Variants in DNAJA2 observed in about 807,000 individuals in gnomAD.
The protein encoded by DNAJA2 is DnaJ heat shock protein family (Hsp40) member A2.
DNAJA2 carries 6 observed loss-of-function variants against 49.3 expected under a neutral mutation model. That is an observed-to-expected ratio of 0.12 (90% CI 0.07 to 0.24). The LOEUF is 0.24. DNAJA2 is among the 10% of genes least tolerant of loss of function. The pLI is 1.00. For synonymous variants in DNAJA2, 160 were observed against 172.7 expected (o/e 0.93, Z 0.58); for missense variants, 347 against 516.8 (o/e 0.67, Z 3.19).
intron 1 of DNAJA2, chr16:46,972,676 T>C (rs1427032204): frequency 6.6e-6 from 1 of 152,270 alleles, no homozygotes; most frequent in Non-Finnish European, 1.5e-5. Context: ...TTTTCTCGGC[T>C]TACAAATCTG....
At chr16:46,973,414 T>C in intron 1 of DNAJA2, 81 bp downstream of exon 1, 2 of 1,372,732 alleles carry the variant, frequency 1.5e-6, no homozygotes, top group Non-Finnish European at 1.9e-6. Flanking sequence ...GGCAGCCCAG[T>C]AGCGCGGCCT....
intron 8 of DNAJA2, among the ~76,000 whole-genome samples, chr16:46,957,784 G>A (rs1040921797): frequency 6.6e-6 from 1 of 152,040 alleles, no homozygotes; most frequent in Non-Finnish European, 1.5e-5. Context: ...GTTTCTACAG[G>A]AGACACACCT....
chr16:46,961,074 C>T (rs1370819958), intron 6 of DNAJA2, among the ~76,000 whole-genome samples: 1 of 152,002 alleles, frequency 6.6e-6, no homozygotes, highest in African/African-American at 2.4e-5. Flanking sequence ...GTTCTAAGAA[C>T]CATCTTACCA....
chr16:46,972,427 T>TA (rs1329847832), intron 1 of DNAJA2: 1 of 153,674 alleles, frequency 6.5e-6, no homozygotes, highest in Non-Finnish European at 1.4e-5. Context: ...CATGAAAAAG[T>TA]AAAGGTGGTC....
rs1567355353 is a variant in DNAJA2 at position 46,971,374 on chromosome 16, C to T, written c.337G>A (p.Gly113Arg). 1 of 1,613,568 alleles carries T rather than the reference C, an allele frequency of 6.2e-7. No homozygotes were observed. Among genetic ancestry groups the T allele is most frequent in the East Asian group, 2.2e-5 (1 of 44,888 alleles). ...TTGAGTGGATGCATCATGTCCTCTC[C>T]TCTTCTTCTGCCATTTCGACTTCTA... Reference protein sequence around the residue: ...QSRSRNGRRRGEDMMHPLKVS... With the variant: ...QSRSRNGRRRREDMMHPLKVS... The change falls in exon 3 of 9, where the codon GGA becomes AGA. Residue 113 changes from glycine to arginine, a missense_variant. Transcript: ENST00000317089.
chr16:46,969,677 AC>A (rs1962018644), intron 3 of DNAJA2, among the ~76,000 whole-genome samples: 2 of 152,210 alleles, frequency 1.3e-5, no homozygotes, highest in African/African-American at 4.8e-5. Flanking sequence ...ACATAAAGAT[AC>A]TCATAGCAGC....
chr16:46,971,660 C>CCAAAA, intron 2 of DNAJA2, 88 bp from the exon 3 acceptor site: 1 of 172,726 alleles, frequency 5.8e-6, no homozygotes, highest in South Asian at 7.9e-5. Flanking sequence ...CCATTTAATT[C>CCAAAA]TAAAAAAAAA....
In DNAJA2 at chr16:46,971,932, T is replaced by C. The variant is rs538465519; in HGVS notation, c.102A>G (p.Glu34=). 3.1e-6 allele frequency: 5 copies of C among 1,613,000 alleles called. No individual in the cohort carries two copies. The South Asian group carries it at 5.5e-5, about 18-fold the overall frequency. The change falls in exon 2 of 9, where the codon GAA becomes GAG. Residue 34 remains glutamate (E), a synonymous_variant. Transcript: ENST00000317089. ...LKKAYRKLAK[E]YHPDKNPNAG... ...CATTTGGATTCTTATCAGGATGATA[T>C]TCCTTGGCTAACTTTCTGTATGCCT...
At chr16:46,964,504 T>A (rs1357294804) in intron 6 of DNAJA2, 107 bp downstream of exon 6, 7 of 1,030,942 alleles carry the variant, frequency 6.8e-6, no homozygotes, top group Non-Finnish European at 8.3e-6. Context: ...ACTTCACCAG[T>A]GTTCAGTGTT....
At position 46,971,374 on chromosome 16, in the gene DNAJA2, CTCT is replaced by C. The variant is rs1011561600; in HGVS notation, c.334_336del (p.Arg112del). 6.8e-6 allele frequency: 11 copies of C among 1,613,568 alleles called. No individual in the cohort carries two copies. In the African/African-American group the frequency reaches 1.1e-4, roughly 16 times the overall value. On this transcript the variant is annotated inframe_deletion, in exon 3 of 9. Transcript: ENST00000317089. ...TTGAGTGGATGCATCATGTCCTCTC[CTCT>C]TCTTCTGCCATTTCGACTTCTACTC...
At chr16:46,969,770 T>C (rs1268640517) in intron 3 of DNAJA2, among the ~76,000 whole-genome samples, 1 of 152,234 alleles carries the variant, frequency 6.6e-6, no homozygotes, top group Admixed American at 6.5e-5. Context: ...ATAAACATAG[T>C]ATTTGTAATA....
chr16:46,971,751 C>T (rs1962053109), intron 2 of DNAJA2, 145 bp downstream of exon 2: 5 of 903,688 alleles, frequency 5.5e-6, no homozygotes, highest in Non-Finnish European at 7.0e-6. Context: ...TACTCTTATT[C>T]TAAAACTAAA....
chr16:46,959,809 C>T (rs1023970000), intron 6 of DNAJA2, among the ~76,000 whole-genome samples: 1 of 152,166 alleles, frequency 6.6e-6, no homozygotes, highest in African/African-American at 2.4e-5. Context: ...ATGATCGTAA[C>T]AGGGAAGGGG....
intron 6 of DNAJA2, 49 bp from the exon 7 acceptor site, chr16:46,959,468 T>C (rs1397111060): frequency 6.6e-7 from 1 of 1,518,456 alleles, no homozygotes; most frequent in African/African-American, 1.4e-5. Context: ...ATTATGGAGG[T>C]ACACCCTGCA....
chr16:46,956,385 T>G lies in DNAJA2; in HGVS notation c.*644A>C, dbSNP rs1354568268. On this transcript the variant is annotated 3_prime_UTR_variant, in exon 9 of 9. Transcript: ENST00000317089. ...CTAAAAATGTGACACAAAAGAATAA[T>G]TTACACCAACCGCTTTTTATTATCG... The G allele has an allele frequency of 1.3e-5, 2 of 148,454 alleles. No homozygotes were observed. The highest frequency in any genetic ancestry group is 5.0e-5 in the African/African-American group (2 of 40,354). 9.2% of individuals were successfully genotyped at this position (148,454 alleles called of 1,614,324 possible). A position where few individuals can be genotyped will look rare whatever the true frequency, so the allele number is the denominator to read the frequency against.
intron 6 of DNAJA2, 71 bp downstream of exon 6, chr16:46,964,540 A>C: frequency 6.8e-7 from 1 of 1,462,298 alleles, no homozygotes; most frequent in Non-Finnish European, 9.2e-7. Flanking sequence ...AACAGATCTA[A>C]CCTATTTCTC....
intron 8 of DNAJA2, among the ~76,000 whole-genome samples, chr16:46,957,719 T>C (rs1374006198): frequency 6.6e-6 from 1 of 152,174 alleles, no homozygotes; most frequent in African/African-American, 2.4e-5. Flanking sequence ...AACCCATCTA[T>C]TGCTTTAAGA....
intron 5 of DNAJA2, among the ~76,000 whole-genome samples, chr16:46,966,219 A>C (rs2143653585): frequency 6.6e-6 from 1 of 152,318 alleles, no homozygotes; most frequent in African/African-American, 2.4e-5. Context: ...CGACAGCAAG[A>C]CCCTATCTCC....
chr16:46,961,581 C>A (rs1189880395), intron 6 of DNAJA2, among the ~76,000 whole-genome samples: 10 of 135,422 alleles, frequency 7.4e-5, no homozygotes, highest in South Asian at 2.4e-4. Flanking sequence ...AAGACTGTCT[C>A]AAAAAAAAAA....
Sources: allele counts gnomAD v4.1 joint callset (sites outside exome capture counted in the v4.1 genomes callset), GRCh38; gene constraint gnomAD v4.1.1; transcripts MANE v1.5; gene names NCBI Gene and HGNC (gene_info 2026-07-23, HGNC 2026-07-21).